EXOC1L: variants seen among roughly 807,000 people sequenced by gnomAD.
The protein encoded by EXOC1L is exocyst complex component 1 like.
Under a neutral mutation model 4.9 loss-of-function variants are expected in EXOC1L, and 10 were observed. The observed-to-expected ratio is 2.02, with a 90% CI of 1.25 to 3.43. The LOEUF (loss-of-function observed/expected upper bound fraction) is 3.43, where lower values mean the gene tolerates loss of function less well. Ranked by LOEUF, EXOC1L falls within the 30% of genes most tolerant of loss-of-function variation. The pLI is 0.00. For synonymous variants in EXOC1L, 41 were observed against 20.8 expected, an observed-to-expected ratio of 1.97 and a Z score of -2.63; for missense variants, 114 against 59.4, an observed-to-expected ratio of 1.92 and a Z score of -3.02.
chr4:55,825,218 A>T (rs1417689437), intron 1 of EXOC1L, among the ~76,000 whole-genome samples: 1 of 152,168 alleles, frequency 6.6e-6, no homozygotes, highest in Non-Finnish European at 1.5e-5. Context: ...AGACGAGGAA[A>T]CCATAGGTCA....
chr4:55,835,408 T>G (rs779475422), intron 2 of EXOC1L, among the ~76,000 whole-genome samples: 26 of 151,918 alleles, frequency 1.7e-4, no homozygotes, highest in Non-Finnish European at 2.4e-4. Flanking sequence ...TAGTTCTACT[T>G]TTAGTTCTTT....
At chr4:55,831,862 A>G (rs998901923) in intron 2 of EXOC1L, among the ~76,000 whole-genome samples, 1 of 152,078 alleles carries the variant, frequency 6.6e-6, no homozygotes, top group African/African-American at 2.4e-5. Context: ...AGCCCACTTT[A>G]TCCTCTAGAA....
chr4:55,830,289 G>A (rs182413059), intron 1 of EXOC1L, among the ~76,000 whole-genome samples: 2 of 152,226 alleles, frequency 1.3e-5, no homozygotes, highest in East Asian at 3.9e-4. Context: ...GACAGAACCA[G>A]CTTGCAACTC....
intron 2 of EXOC1L, among the ~76,000 whole-genome samples, chr4:55,836,283 G>C (rs934000058): frequency 1.3e-5 from 2 of 151,844 alleles, no homozygotes; most frequent in African/African-American, 4.8e-5. Context: ...TGAGAAATTA[G>C]TAGTCATCAC....
intron 1 of EXOC1L, among the ~76,000 whole-genome samples, chr4:55,826,830 T>C (rs2110282111): frequency 6.6e-6 from 1 of 152,328 alleles, no homozygotes; most frequent in East Asian, 1.9e-4. Flanking sequence ...TCTTGGAGAC[T>C]CCTTAGCTAT....
At chr4:55,831,047 C>T (rs1204679037) in intron 1 of EXOC1L, among the ~76,000 whole-genome samples, 2 of 152,234 alleles carry the variant, frequency 1.3e-5, no homozygotes, top group East Asian at 3.9e-4. Context: ...CTATTCTCTA[C>T]CACAATGCTC....
intron 1 of EXOC1L, among the ~76,000 whole-genome samples, chr4:55,824,526 C>A (rs912908699): frequency 1.3e-5 from 2 of 151,926 alleles, no homozygotes; most frequent in African/African-American, 4.8e-5. Context: ...CTATGCCTGG[C>A]TAATTTATTA....
At chr4:55,833,198 C>G (rs1329174239) in intron 2 of EXOC1L, among the ~76,000 whole-genome samples, 1 of 151,792 alleles carries the variant, frequency 6.6e-6, no homozygotes, top group Non-Finnish European at 1.5e-5. Context: ...GAATATTATA[C>G]AGCCATTATA....
intron 2 of EXOC1L, among the ~76,000 whole-genome samples, chr4:55,836,681 C>T (rs894894865): frequency 5.3e-5 from 8 of 151,906 alleles, no homozygotes; most frequent in African/African-American, 1.9e-4. Flanking sequence ...TTCCTTCTAC[C>T]TTGAAATAGC....
Position 55,837,456 on chromosome 4 carries a change from T to TAAATAA in EXOC1L, c.*113_*118dup. On this transcript the variant is annotated 3_prime_UTR_variant, in exon 3 of 3. Transcript: ENST00000636125. ...TCCTTCATCAGTGATTATTATAATT[T>TAAATAA]AAATAAAAATAAAGTAATGCTTTGT... is the stretch of plus-strand genomic sequence containing the variant. The TAAATAA allele has an allele frequency of 2.2e-6, 1 of 449,144 alleles. No individual in the cohort carries two copies. The highest frequency in any genetic ancestry group is 3.9e-6 in the Non-Finnish European group (1 of 254,156). The allele number at this position is 449,144 out of a possible 1,614,324, so 27.8% of individuals were successfully genotyped here. A position where few individuals can be genotyped will look rare whatever the true frequency, so the allele number is the denominator to read the frequency against.
chr4:55,828,661 G>C (rs555063357), intron 1 of EXOC1L, among the ~76,000 whole-genome samples: 14 of 152,114 alleles, frequency 9.2e-5, no homozygotes, highest in African/African-American at 3.1e-4. Flanking sequence ...GGGTAATACA[G>C]TGAGACCCGT....
chr4:55,823,672 A>G (rs943066347), intron 1 of EXOC1L, among the ~76,000 whole-genome samples: 2 of 151,656 alleles, frequency 1.3e-5, no homozygotes, highest in Non-Finnish European at 2.9e-5. Context: ...TTCAAGTTGC[A>G]GTTTTACTCA....
intron 2 of EXOC1L, 125 bp from the exon 3 acceptor site, chr4:55,836,960 T>A (rs1720180730): frequency 2.1e-6 from 1 of 474,132 alleles, no homozygotes; most frequent in Non-Finnish European, 3.7e-6. Flanking sequence ...TTTGTAGATT[T>A]TAGAAATATG....
rs1196290658 is a variant in EXOC1L at position 55,837,258 on chromosome 4, G to T, written c.426G>T (p.Trp142Cys). 1 of 700,630 alleles carries T rather than the reference G, an allele frequency of 1.4e-6. No homozygotes were observed. Among genetic ancestry groups the T allele is most frequent in the Non-Finnish European group, 2.6e-6 (1 of 383,804 alleles). The allele number at this position is 700,630 out of a possible 1,614,324, so 43.4% of individuals were successfully genotyped here. A position where few individuals can be genotyped will look rare whatever the true frequency, so the allele number is the denominator to read the frequency against. ...DSTYINDDSI[W>C]SSNNKDCLVL... ...CATACATTAACGATGATTCCATTTGGTCCTCCAACAATAAGGATTGTTTGG... is the reference window on the plus strand; with the variant it reads ...CATACATTAACGATGATTCCATTTGTTCCTCCAACAATAAGGATTGTTTGG... Residue 142 changes from tryptophan to cysteine, a missense_variant, in exon 3 of 3, where the codon TGG becomes TGT. By Grantham distance (215) the Trp-to-Cys change is radical. Transcript: ENST00000636125.
At chr4:55,833,216 C>T (rs1720077249) in intron 2 of EXOC1L, among the ~76,000 whole-genome samples, 1 of 151,758 alleles carries the variant, frequency 6.6e-6, no homozygotes, top group Admixed American at 6.6e-5. Flanking sequence ...ATAAAATATG[C>T]TTCCAAAAGA....
intron 1 of EXOC1L, among the ~76,000 whole-genome samples, chr4:55,820,902 A>G (rs370333708): frequency 2.0e-5 from 3 of 152,314 alleles, no homozygotes; most frequent in Admixed American, 6.5e-5. Flanking sequence ...CTGAATTTAG[A>G]CAGGAGTGCT....
At chr4:55,835,315 A>C (rs1720132531) in intron 2 of EXOC1L, among the ~76,000 whole-genome samples, 1 of 151,820 alleles carries the variant, frequency 6.6e-6, no homozygotes, top group South Asian at 2.1e-4. Flanking sequence ...TACTATAAAC[A>C]TGCATGTGTA....
chr4:55,828,207 C>A (rs1396051216), intron 1 of EXOC1L, among the ~76,000 whole-genome samples: 2 of 152,186 alleles, frequency 1.3e-5, no homozygotes, highest in Non-Finnish European at 2.9e-5. Flanking sequence ...AACCTTGAGG[C>A]TGGCACACAA....
At chr4:55,822,419 C>T (rs1303310660) in intron 1 of EXOC1L, among the ~76,000 whole-genome samples, 1 of 152,152 alleles carries the variant, frequency 6.6e-6, no homozygotes, top group Non-Finnish European at 1.5e-5. Context: ...CTGGAACTAG[C>T]GTCCCCTACC....
Sources: allele counts gnomAD v4.1 joint callset (sites outside exome capture counted in the v4.1 genomes callset), GRCh38; gene constraint gnomAD v4.1.1; transcripts MANE v1.5; gene names NCBI Gene and HGNC (gene_info 2026-07-23, HGNC 2026-07-21).